Variants in ZFYVE1 observed in about 807,000 individuals in gnomAD.
ZFYVE1 encodes zinc finger FYVE-type containing 1.
ZFYVE1 carries 30 observed loss-of-function variants against 74.4 expected under a neutral mutation model. The ratio of observed to expected loss-of-function variants is 0.40; its 90% CI spans 0.30 to 0.55. The LOEUF is 0.55. Among genes scored for constraint, ZFYVE1 ranks in the 20% least tolerant of loss-of-function variants. The pLI, the probability that ZFYVE1 is intolerant of heterozygous loss-of-function variation, is 0.42. For missense variants in ZFYVE1, 703 were observed against 1,011.6 expected (o/e 0.69, Z 4.14); for synonymous variants, 335 against 385.1 (o/e 0.87, Z 1.52).
At chr14:72,994,047 G>A (rs1893686872) in intron 3 of ZFYVE1, among the ~76,000 whole-genome samples, 1 of 149,968 alleles carries the variant, frequency 6.7e-6, no homozygotes, top group Non-Finnish European at 1.5e-5. Context: ...ATACGGGAGG[G>A]TGCAGTGGTT....
chr14:73,020,330 G>C (rs545071125), intron 2 of ZFYVE1, among the ~76,000 whole-genome samples: 5 of 151,614 alleles, frequency 3.3e-5, no homozygotes, highest in African/African-American at 1.2e-4. Flanking sequence ...AAGGCATGCA[G>C]TTCACTGTTT....
intron 2 of ZFYVE1, among the ~76,000 whole-genome samples, chr14:73,021,619 C>A (rs548280637): frequency 6.6e-6 from 1 of 152,274 alleles, no homozygotes; most frequent in African/African-American, 2.4e-5. Flanking sequence ...TCTATGAGAA[C>A]AAATCACCTA....
At chr14:73,025,946 G>GA (rs1894451201) in intron 1 of ZFYVE1, among the ~76,000 whole-genome samples, 1 of 152,052 alleles carries the variant, frequency 6.6e-6, no homozygotes, top group South Asian at 2.1e-4. Context: ...CAAAGCTAAT[G>GA]AAAATGTAAT....
In ZFYVE1 at chr14:72,978,253, T is replaced by C. The variant is rs1046107785; in HGVS notation, c.1420-19A>G. On this transcript the variant is annotated intron_variant, in intron 6 of 11. Transcript: ENST00000556143. ...AGCAGGCCTGAAACAGGAAACACTCTGCTAGCTTATTGTTTGTTTTTTGTT... is the reference window on the plus strand; with the variant it reads ...AGCAGGCCTGAAACAGGAAACACTCCGCTAGCTTATTGTTTGTTTTTTGTT... 1.9e-6 allele frequency: 3 copies of C among 1,610,552 alleles called. No individual in the cohort carries two copies. The highest frequency in any genetic ancestry group is 2.5e-6 in the Non-Finnish European group (3 of 1,177,066).
chr14:73,006,154 C>T (rs1017458457), intron 2 of ZFYVE1, among the ~76,000 whole-genome samples: 2 of 151,946 alleles, frequency 1.3e-5, no homozygotes, highest in Non-Finnish European at 2.9e-5. Context: ...CTCCTGACCT[C>T]GTGATCCGCC....
chr14:72,986,473 GT>G (rs1451186100), intron 4 of ZFYVE1, among the ~76,000 whole-genome samples: 1 of 74,670 alleles, frequency 1.3e-5, no homozygotes, highest in African/African-American at 5.3e-5. Context: ...AACAGTAACT[GT>G]TAAAAAAAAA....
chr14:72,983,367 G>C (rs1893391777), intron 4 of ZFYVE1, among the ~76,000 whole-genome samples: 1 of 80,518 alleles, frequency 1.2e-5, no homozygotes, highest in Admixed American at 1.9e-4. Flanking sequence ...CCCCACCACA[G>C]GCCTCGATGT....
intron 1 of ZFYVE1, among the ~76,000 whole-genome samples, 187 bp from the exon 2 acceptor site, chr14:73,025,129 G>A (rs550023929): frequency 1.4e-3 from 219 of 151,166 alleles, no homozygotes; most frequent in African/African-American, 5.2e-3. Flanking sequence ...AGTGCAATGG[G>A]ACAGTCTCGG....
Position 73,024,866 on chromosome 14 carries a change from A to G in ZFYVE1, c.-358T>C, listed in dbSNP as rs948009284. ...GGTTCATCGGTTGGACATCAGCTAC[A>G]AAGTTTTGGTAATGAAAGAAAGTGG... On this transcript the variant is annotated 5_prime_UTR_variant, in exon 2 of 12. Transcript: ENST00000556143. 5.5e-6 allele frequency: 1 copy of G among 181,148 alleles called. No homozygotes were observed. The highest frequency in any genetic ancestry group is 1.1e-5 in the Non-Finnish European group (1 of 88,006). The allele number at this position is 181,148 out of a possible 1,614,324, so 11.2% of individuals were successfully genotyped here.
chr14:72,978,367 G>C, intron 6 of ZFYVE1, 133 bp from the exon 7 acceptor site: 1 of 772,110 alleles, frequency 1.3e-6, no homozygotes, highest in South Asian at 1.8e-5. Context: ...AGGAGTTCGA[G>C]ATCAGCCTGG....
In ZFYVE1 at chr14:72,970,788, A is replaced by G; in HGVS notation, c.*94T>C. Reference sequence around the variant, plus strand: ...ATGCGGAGAGGAGAGGACACACACCACAGCAGGTGACTGGGAGGAGGGCCT... The same window carrying G: ...ATGCGGAGAGGAGAGGACACACACCGCAGCAGGTGACTGGGAGGAGGGCCT... On this transcript the variant is annotated 3_prime_UTR_variant, in exon 12 of 12. Transcript: ENST00000556143. 2.2e-6 allele frequency: 3 copies of G among 1,339,320 alleles called. No individual in the cohort carries two copies. The highest frequency in any genetic ancestry group is 2.1e-6 in the Non-Finnish European group (2 of 968,788). The allele number at this position is 1,339,320 out of a possible 1,614,324, so 83.0% of individuals were successfully genotyped here. A position where few individuals can be genotyped will look rare whatever the true frequency, so the allele number is the denominator to read the frequency against.
At chr14:72,992,312 A>C (rs1264237774) in intron 4 of ZFYVE1, among the ~76,000 whole-genome samples, 1 of 152,126 alleles carries the variant, frequency 6.6e-6, no homozygotes, top group African/African-American at 2.4e-5. Context: ...ATTTGTTGAG[A>C]GGCAGTACAG....
chr14:73,011,444 A>C (rs1055662497), intron 2 of ZFYVE1, among the ~76,000 whole-genome samples: 1 of 151,964 alleles, frequency 6.6e-6, no homozygotes, highest in African/African-American at 2.4e-5. Flanking sequence ...CTGAGATCAC[A>C]CCACTGCACT....
At chr14:72,988,381 G>A (rs1442095895) in intron 4 of ZFYVE1, among the ~76,000 whole-genome samples, 2 of 151,898 alleles carry the variant, frequency 1.3e-5, no homozygotes, top group Admixed American at 6.6e-5. Context: ...TGCCGTGTTG[G>A]CCAGGCTGGT....
intron 8 of ZFYVE1, among the ~76,000 whole-genome samples, chr14:72,977,415 C>CA (rs1016719435): frequency 9.8e-4 from 136 of 139,300 alleles, no homozygotes; most frequent in African/African-American, 2.6e-3. Flanking sequence ...AACTCCGTCT[C>CA]AAAAAAAAAA....
In ZFYVE1 at chr14:72,975,753, C is replaced by T. The variant is rs996134119; in HGVS notation, c.1636-32G>A. 2 of 1,608,280 alleles carry T rather than the reference C, an allele frequency of 1.2e-6. No individual in the cohort carries two copies. The highest frequency in any genetic ancestry group is 1.7e-6 in the Non-Finnish European group (2 of 1,176,828). ...TGAAAACGCAGGCTTCCATCATGCT[C>T]TGAGAAGGGAGTGAAAGGAAGGAGG... On this transcript the variant is annotated intron_variant, in intron 8 of 11. Coordinates refer to ENST00000556143, the MANE Select transcript of ZFYVE1 (RefSeq NM_021260.4). The surrounding 1 kb of genome is among the most constrained non-coding windows in gnomAD (Gnocchi z 4.1).
chr14:73,006,709 C>CTTT (rs35364666), intron 2 of ZFYVE1, among the ~76,000 whole-genome samples: 811 of 77,706 alleles, frequency 0.01, 26 homozygotes, highest in East Asian at 0.026. Context: ...ACCCCAGTTC[C>CTTT]TTTTTTTTTT....
intron 2 of ZFYVE1, among the ~76,000 whole-genome samples, chr14:73,013,417 G>A (rs1894128036): frequency 6.6e-6 from 1 of 152,020 alleles, no homozygotes; most frequent in African/African-American, 2.4e-5. Flanking sequence ...AGACCAGCCT[G>A]GCCAACATGA....
At chr14:73,009,576 G>A (rs1326720166) in intron 2 of ZFYVE1, among the ~76,000 whole-genome samples, 2 of 152,180 alleles carry the variant, frequency 1.3e-5, no homozygotes, top group African/African-American at 2.4e-5. Flanking sequence ...CCAACATGGT[G>A]AAACCCCCAT....
Sources: gnomAD v4.1 joint callset for allele counts (sites outside exome capture counted in the v4.1 genomes callset) on GRCh38, gnomAD v4.1.1 for gene constraint, Gnocchi (gnomAD v3.1) non-coding constraint, MANE v1.5 for transcripts, NCBI Gene and HGNC (gene_info 2026-07-23, HGNC 2026-07-21) for gene names.